SLC35F4: variants seen among roughly 807,000 people sequenced by gnomAD.
SLC35F4 encodes the protein chromosome 14 open reading frame 36.
SLC35F4 carries 24 observed loss-of-function variants against 44.2 expected under a neutral mutation model. The observed-to-expected ratio is 0.54, with a 90% CI of 0.39 to 0.76. SLC35F4 has a LOEUF of 0.76. SLC35F4 is among the 30% of genes least tolerant of loss of function. SLC35F4 has a pLI of 0.00. For synonymous variants in SLC35F4, 238 were observed against 223.6 expected, an observed-to-expected ratio of 1.06 and a Z score of -0.57; for missense variants, 562 against 586.1, an observed-to-expected ratio of 0.96 and a Z score of 0.42.
At chr14:57,880,103 A>T (rs774922478) in intron 1 of SLC35F4, among the ~76,000 whole-genome samples, 1 of 125,316 alleles carries the variant, frequency 8.0e-6, no homozygotes, top group Non-Finnish European at 1.7e-5. Context: ...GAAGGAAGGA[A>T]GGAAGGACAG....
chr14:57,896,525 C>A (rs962521746), intron 1 of SLC35F4, among the ~76,000 whole-genome samples: 1 of 152,068 alleles, frequency 6.6e-6, no homozygotes, highest in Non-Finnish European at 1.5e-5. Context: ...CCCATAAGGA[C>A]GTATATGTGA....
chr14:57,779,229 C>G (rs1053180362), intron 1 of SLC35F4, among the ~76,000 whole-genome samples: 7 of 151,950 alleles, frequency 4.6e-5, no homozygotes, highest in Admixed American at 2.0e-4. Context: ...ATAAACTAGA[C>G]AGACTGCTAG....
intron 1 of SLC35F4, among the ~76,000 whole-genome samples, chr14:57,874,970 GAATAAATAAATA>G (rs148708016): frequency 2.0e-5 from 3 of 149,724 alleles, no homozygotes; most frequent in Non-Finnish European, 4.4e-5. Flanking sequence ...AGAGGCAGTG[GAATAAATAAATA>G]AATAAATAAA....
intron 1 of SLC35F4, among the ~76,000 whole-genome samples, chr14:57,803,311 A>T (rs2140861968): frequency 6.6e-6 from 1 of 152,264 alleles, no homozygotes; most frequent in East Asian, 1.9e-4. Context: ...AACACAAAAT[A>T]ATAGAAGCCA....
intron 1 of SLC35F4, among the ~76,000 whole-genome samples, chr14:57,725,968 T>C (rs2076192047): frequency 6.6e-6 from 1 of 152,198 alleles, no homozygotes; most frequent in Non-Finnish European, 1.5e-5. Flanking sequence ...GGAGGAACAC[T>C]GCCTCCAGGA....
At chr14:57,979,488 CT>C (rs1269786047) in intron 1 of SLC35F4, among the ~76,000 whole-genome samples, 1 of 152,178 alleles carries the variant, frequency 6.6e-6, no homozygotes, top group African/African-American at 2.4e-5. Flanking sequence ...CTGGTAGTGC[CT>C]TGTCTTGAGC....
chr14:57,571,437 T>C (rs2068499021), intron 5 of SLC35F4, among the ~76,000 whole-genome samples: 1 of 152,202 alleles, frequency 6.6e-6, no homozygotes, highest in African/African-American at 2.4e-5. Flanking sequence ...TGACAGCTTA[T>C]TTCTAACACC....
intron 1 of SLC35F4, among the ~76,000 whole-genome samples, chr14:57,622,665 G>A (rs1168478582): frequency 6.6e-6 from 1 of 152,008 alleles, no homozygotes; most frequent in African/African-American, 2.4e-5. Context: ...TCTGGGGACT[G>A]TTGTGGGGTT....
chr14:57,629,511 G>A (rs2140123262), intron 1 of SLC35F4, among the ~76,000 whole-genome samples: 1 of 152,164 alleles, frequency 6.6e-6, no homozygotes, highest in East Asian at 1.9e-4. Flanking sequence ...GAAAAATATG[G>A]AGTTCAGTGC....
intron 1 of SLC35F4, among the ~76,000 whole-genome samples, chr14:57,727,523 C>T (rs1412733466): frequency 2.0e-5 from 3 of 150,932 alleles, no homozygotes; most frequent in Admixed American, 1.3e-4. Context: ...AACATAGGCA[C>T]TTATAGCTAT....
intron 1 of SLC35F4, among the ~76,000 whole-genome samples, chr14:57,649,868 C>T (rs950443172): frequency 1.3e-5 from 2 of 152,126 alleles, no homozygotes; most frequent in African/African-American, 4.8e-5. Context: ...AAAAGTTTTT[C>T]TGGGGCAGGT....
At chr14:57,946,995 G>A (rs1566509980) in intron 1 of SLC35F4, among the ~76,000 whole-genome samples, 1 of 151,884 alleles carries the variant, frequency 6.6e-6, no homozygotes, top group Non-Finnish European at 1.5e-5. Context: ...TTTTAGAGTT[G>A]TTTTTTTCTA....
At chr14:57,680,177 G>T (rs1223957950) in intron 1 of SLC35F4, among the ~76,000 whole-genome samples, 2 of 152,050 alleles carry the variant, frequency 1.3e-5, no homozygotes, top group South Asian at 2.1e-4. Context: ...TATCCACCAC[G>T]ATCAAGTCAG....
chr14:57,686,044 C>A (rs1441564719), intron 1 of SLC35F4, among the ~76,000 whole-genome samples: 1 of 152,182 alleles, frequency 6.6e-6, no homozygotes, highest in South Asian at 2.1e-4. Flanking sequence ...GCTCAAGGAC[C>A]TTTTGTGGTT....
chr14:57,962,811 T>G (rs1167439413), intron 1 of SLC35F4, among the ~76,000 whole-genome samples: 5 of 152,244 alleles, frequency 3.3e-5, no homozygotes, highest in African/African-American at 1.2e-4. Flanking sequence ...CCCTCCCTGC[T>G]GCTGCAACTT....
At chr14:57,722,168 G>C (rs1291097767) in intron 1 of SLC35F4, among the ~76,000 whole-genome samples, 1 of 152,166 alleles carries the variant, frequency 6.6e-6, no homozygotes, top group Non-Finnish European at 1.5e-5. Flanking sequence ...GTTGGATCAG[G>C]CCAAATTTAT....
chr14:57,958,405 C>G (rs887092653), intron 1 of SLC35F4, among the ~76,000 whole-genome samples: 6 of 152,116 alleles, frequency 3.9e-5, no homozygotes, highest in African/African-American at 1.4e-4. Flanking sequence ...GAGCCAGTCA[C>G]AAAAGGTATG....
At chr14:57,643,064 CTAAT>C (rs1189536615) in intron 1 of SLC35F4, among the ~76,000 whole-genome samples, 1 of 97,904 alleles carries the variant, frequency 1.0e-5, no homozygotes, top group Non-Finnish European at 2.7e-5. Context: ...AATGATTAAT[CTAAT>C]TAGCCCAAAT....
intron 1 of SLC35F4, among the ~76,000 whole-genome samples, chr14:57,944,474 T>A (rs573428598): frequency 6.6e-6 from 1 of 152,236 alleles, no homozygotes; most frequent in Admixed American, 6.5e-5. Context: ...CTGTTTACAT[T>A]TCCCTCATCC....
Sources: gnomAD v4.1 joint callset for allele counts (sites outside exome capture counted in the v4.1 genomes callset) on GRCh38, gnomAD v4.1.1 for gene constraint, MANE v1.5 for transcripts, NCBI Gene and HGNC (gene_info 2026-07-23, HGNC 2026-07-21) for gene names.